SAMD5: variants seen among roughly 807,000 people sequenced by gnomAD.
SAMD5 encodes the protein sterile alpha motif domain-containing protein 5.
In SAMD5, 13 loss-of-function variants were observed where a neutral mutation model predicts 11.3. The ratio of observed to expected loss-of-function variants is 1.15; its 90% CI spans 0.75 to 1.83. The LOEUF is 1.83. Ranked by LOEUF, SAMD5 falls within the 40% of genes most tolerant of loss-of-function variation. The pLI is 0.00. For missense variants in SAMD5, 255 were observed against 239.1 expected, an observed-to-expected ratio of 1.07 and a Z score of -0.44; for synonymous variants, 129 against 111.3, an observed-to-expected ratio of 1.16 and a Z score of -1.00.
At chr6:147,807,421 AG>A in the SAMD5 span, among the ~76,000 whole-genome samples, 2 of 152,340 alleles carry the variant, frequency 1.3e-5, no homozygotes, top group Admixed American at 6.5e-5. Context: ...CTGTTGTTTA[AG>A]CCACACAGTT....
chr6:147,807,193 A>G, the SAMD5 span, among the ~76,000 whole-genome samples: 1 of 151,958 alleles, frequency 6.6e-6, no homozygotes, highest in Non-Finnish European at 1.5e-5. Flanking sequence ...TCCGCCTCCC[A>G]GGTTCATGCC....
intron 1 of SAMD5, among the ~76,000 whole-genome samples, chr6:147,635,695 T>A (rs77695833): frequency 0.024 from 3,702 of 152,342 alleles, 87 homozygotes; most frequent in Non-Finnish European, 0.039. Flanking sequence ...AGGCCTTAAA[T>A]GTGCTTGCAA....
At chr6:147,878,056 C>T in the SAMD5 span, among the ~76,000 whole-genome samples, 4 of 151,690 alleles carry the variant, frequency 2.6e-5, no homozygotes, top group Admixed American at 6.6e-5. Flanking sequence ...GGATTACATG[C>T]GTGAGCCACC....
the SAMD5 span, among the ~76,000 whole-genome samples, chr6:147,817,691 C>T: frequency 1.3e-5 from 2 of 152,174 alleles, no homozygotes; most frequent in African/African-American, 2.4e-5. Context: ...CCATGGGAGC[C>T]TGAGTTTTAT....
intron 1 of SAMD5, among the ~76,000 whole-genome samples, chr6:147,531,981 A>T (rs192615828): frequency 1.3e-5 from 2 of 152,300 alleles, no homozygotes; most frequent in East Asian, 3.9e-4. Flanking sequence ...TCATTGGAGT[A>T]ATCATTTCTA....
chr6:147,791,845 G>A, the SAMD5 span, among the ~76,000 whole-genome samples: 1 of 152,152 alleles, frequency 6.6e-6, no homozygotes, highest in Admixed American at 6.6e-5. Context: ...CGAGAAGGCT[G>A]CATATTTTAT....
chr6:147,719,857 C>CA (rs1455847936), intron 1 of SAMD5, among the ~76,000 whole-genome samples: 3 of 151,972 alleles, frequency 2.0e-5, no homozygotes, highest in African/African-American at 4.8e-5. Context: ...GTTTAATTAC[C>CA]AAAAAAATAA....
the SAMD5 span, among the ~76,000 whole-genome samples, chr6:147,909,560 T>TTTTCTTTC: frequency 0.027 from 2,088 of 78,486 alleles, 59 homozygotes; most frequent in East Asian, 0.037. Context: ...CATCCATCTT[T>TTTTCTTTC]TTTCTTTCTT....
the SAMD5 span, among the ~76,000 whole-genome samples, chr6:147,864,429 A>G: frequency 6.6e-6 from 1 of 152,228 alleles, no homozygotes; most frequent in Non-Finnish European, 1.5e-5. Flanking sequence ...TAAACCGACC[A>G]TCTTGTGCTA....
intron 1 of SAMD5, among the ~76,000 whole-genome samples, chr6:147,593,102 C>T (rs1370184856): frequency 1.3e-5 from 2 of 152,060 alleles, no homozygotes. Flanking sequence ...CGGCTTTATT[C>T]GATCTGGCCA....
rs1223800219 is a variant in SAMD5 at position 147,568,390 on chromosome 6, A to G, written c.*3934A>G. 2.0e-6 allele frequency: 2 copies of G among 984,384 alleles called. No homozygotes were observed. Among genetic ancestry groups the G allele is most frequent in the Admixed American group, 6.1e-5 (1 of 16,272 alleles). 61.0% of individuals were successfully genotyped at this position (984,384 alleles called of 1,614,324 possible). A position where few individuals can be genotyped will look rare whatever the true frequency, so the allele number is the denominator to read the frequency against. ...AACATAATTAAAATGCTTGGACAAA[A>G]CATTTGCTTTATATAGATTCTTACA... On this transcript the variant is annotated 3_prime_UTR_variant, in exon 2 of 2. Coordinates refer to ENST00000367474, the MANE Select transcript of SAMD5 (RefSeq NM_001030060.3).
intron 1 of SAMD5, among the ~76,000 whole-genome samples, chr6:147,607,025 C>A (rs898475977): frequency 6.7e-6 from 1 of 149,884 alleles, no homozygotes; most frequent in African/African-American, 2.5e-5. Flanking sequence ...TTTCAAGTAG[C>A]AAGGCTAACT....
At chr6:147,949,209 G>A in the SAMD5 span, among the ~76,000 whole-genome samples, 1 of 152,150 alleles carries the variant, frequency 6.6e-6, no homozygotes, top group Non-Finnish European at 1.5e-5. Context: ...CACTGTAAAT[G>A]AAATATAGTG....
chr6:147,876,668 C>T, the SAMD5 span, among the ~76,000 whole-genome samples: 1 of 152,178 alleles, frequency 6.6e-6, no homozygotes, highest in Non-Finnish European at 1.5e-5. Context: ...CTGGTTTGTA[C>T]TAGAAAAATA....
At chr6:147,759,304 C>T in the SAMD5 span, among the ~76,000 whole-genome samples, 3 of 152,158 alleles carry the variant, frequency 2.0e-5, no homozygotes, top group Non-Finnish European at 4.4e-5. Context: ...GCGTTACCAT[C>T]TGTCTGCCTA....
chr6:147,902,048 A>G, the SAMD5 span, among the ~76,000 whole-genome samples: 11 of 152,234 alleles, frequency 7.2e-5, no homozygotes, highest in Non-Finnish European at 1.5e-4. Context: ...GTCTCCTCTT[A>G]TGACATAGGG....
At chr6:147,615,001 A>G (rs930252598) in intron 1 of SAMD5, among the ~76,000 whole-genome samples, 1 of 152,024 alleles carries the variant, frequency 6.6e-6, no homozygotes, top group Non-Finnish European at 1.5e-5. Flanking sequence ...AAAAATCCAA[A>G]CAATATCATA....
At chr6:147,685,460 G>T (rs563980141) in intron 1 of SAMD5, among the ~76,000 whole-genome samples, 9 of 152,088 alleles carry the variant, frequency 5.9e-5, no homozygotes, top group Non-Finnish European at 1.2e-4. Flanking sequence ...GGCATGAGCC[G>T]CTACACCCAG....
At chr6:147,887,279 TAAAG>T in the SAMD5 span, among the ~76,000 whole-genome samples, 4 of 152,208 alleles carry the variant, frequency 2.6e-5, no homozygotes, top group African/African-American at 9.6e-5. Flanking sequence ...ATGATTAAGA[TAAAG>T]AACACAACCA....
Sources: gnomAD v4.1 joint callset for allele counts (sites outside exome capture counted in the v4.1 genomes callset) on GRCh38, gnomAD v4.1.1 for gene constraint, MANE v1.5 for transcripts, NCBI Gene and HGNC (gene_info 2026-07-23, HGNC 2026-07-21) for gene names.